Variants in CECR2 observed in about 807,000 individuals in gnomAD.
The protein encoded by CECR2 is chromatin remodeling regulator CECR2.
In CECR2, 30 loss-of-function variants were observed where a neutral mutation model predicts 154.5. The ratio of observed to expected loss-of-function variants is 0.19; its 90% CI spans 0.15 to 0.26. The LOEUF (loss-of-function observed/expected upper bound fraction) is 0.26. Among genes scored for constraint, CECR2 ranks in the 10% least tolerant of loss-of-function variants. The pLI is 1.00. For missense variants in CECR2, 1,743 were observed against 1,829.3 expected (o/e 0.95, Z 0.86); for synonymous variants, 725 against 683.7 (o/e 1.06, Z -0.94).
intron 1 of CECR2, among the ~76,000 whole-genome samples, chr22:17,408,304 C>A (rs1235844019): frequency 6.7e-6 from 1 of 148,804 alleles, no homozygotes; most frequent in East Asian, 2.0e-4. Context: ...CTGGAAAGAA[C>A]CCTGGTCAGG....
intron 1 of CECR2, among the ~76,000 whole-genome samples, chr22:17,391,587 T>C (rs1477658692): frequency 6.6e-6 from 1 of 152,218 alleles, no homozygotes; most frequent in Non-Finnish European, 1.5e-5. Flanking sequence ...CTGGCCCAAA[T>C]AGATCTCAGC....
intron 1 of CECR2, among the ~76,000 whole-genome samples, chr22:17,398,203 TGG>T (rs34625113): frequency 1.3e-5 from 2 of 148,588 alleles, no homozygotes; most frequent in African/African-American, 5.0e-5. Flanking sequence ...TATAACAAAG[TGG>T]GGGGGGGTAT....
chr22:17,483,445 G>A (rs944916789), intron 2 of CECR2, among the ~76,000 whole-genome samples: 1 of 151,954 alleles, frequency 6.6e-6, no homozygotes, highest in Non-Finnish European at 1.5e-5. Context: ...CAAGACCCCT[G>A]TCTCTACTAA....
intron 1 of CECR2, among the ~76,000 whole-genome samples, chr22:17,395,141 T>C (rs891323637): frequency 8.5e-5 from 13 of 152,172 alleles, no homozygotes; most frequent in Non-Finnish European, 7.3e-5. Context: ...CAATCACTTA[T>C]GTACTTTTTG....
chr22:17,372,248 G>A (rs2063070022), intron 1 of CECR2, among the ~76,000 whole-genome samples: 1 of 152,152 alleles, frequency 6.6e-6, no homozygotes, highest in Non-Finnish European at 1.5e-5. Flanking sequence ...TGCAGTTTTT[G>A]TCTAATCCAT....
At chr22:17,502,757 C>T (rs184161813) in intron 5 of CECR2, among the ~76,000 whole-genome samples, 10 of 152,220 alleles carry the variant, frequency 6.6e-5, no homozygotes, top group Admixed American at 1.3e-4. Context: ...GAGCTGAAAT[C>T]GCGCCATTGC....
At chr22:17,447,096 G>A (rs888852198) in intron 1 of CECR2, among the ~76,000 whole-genome samples, 2 of 145,130 alleles carry the variant, frequency 1.4e-5, no homozygotes, top group African/African-American at 5.3e-5. Flanking sequence ...GTGCAGTGAC[G>A]GGATCTCTGC....
chr22:17,387,934 G>A (rs1416439416), intron 1 of CECR2, among the ~76,000 whole-genome samples: 1 of 150,702 alleles, frequency 6.6e-6, no homozygotes, highest in East Asian at 1.9e-4. Context: ...GAGGTTTTAA[G>A]TTTTGAGTTT....
chr22:17,498,337 G>A (rs926171696), intron 3 of CECR2, among the ~76,000 whole-genome samples: 5 of 151,824 alleles, frequency 3.3e-5, no homozygotes, highest in Non-Finnish European at 4.4e-5. Context: ...CTTGCAGTGA[G>A]CCGAGATTGC....
chr22:17,490,143 TTTTTTG>T (rs1569116304), intron 2 of CECR2, among the ~76,000 whole-genome samples: 2 of 119,336 alleles, frequency 1.7e-5, no homozygotes, highest in African/African-American at 7.5e-5. Flanking sequence ...TTACTGTTTT[TTTTTTG>T]TGTGTGTGTG....
At chr22:17,396,650 G>A (rs550120403) in intron 1 of CECR2, among the ~76,000 whole-genome samples, 37 of 152,350 alleles carry the variant, frequency 2.4e-4, no homozygotes, top group African/African-American at 8.9e-4. Flanking sequence ...AATTGCTGTG[G>A]TAATGGCAGT....
chr22:17,526,701 C>G (rs1049349682), intron 9 of CECR2, among the ~76,000 whole-genome samples: 1 of 148,896 alleles, frequency 6.7e-6, no homozygotes, highest in Admixed American at 6.9e-5. Flanking sequence ...CCCAGCTACT[C>G]AGGAGGCTGA....
At chr22:17,364,435 T>C (rs1251820950) in intron 1 of CECR2, among the ~76,000 whole-genome samples, 3 of 150,254 alleles carry the variant, frequency 2.0e-5, no homozygotes, top group African/African-American at 7.3e-5. Context: ...TACTACACTC[T>C]CCTGGTCCAA....
intron 8 of CECR2, among the ~76,000 whole-genome samples, chr22:17,515,166 C>G (rs1457431781): frequency 6.6e-6 from 1 of 151,546 alleles, no homozygotes; most frequent in Non-Finnish European, 1.5e-5. Flanking sequence ...AAAATGGTAA[C>G]CCATGCTGAT....
In CECR2 at chr22:17,550,246, C is replaced by G. The variant is rs377454169; in HGVS notation, c.4277+682C>G. 6.8e-4 allele frequency: 112 copies of G among 163,918 alleles called. No individual in the cohort carries two copies. The South Asian group carries it at 0.018, about 26-fold the overall frequency. 10.2% of individuals were successfully genotyped at this position (163,918 alleles called of 1,614,324 possible). A position where few individuals can be genotyped will look rare whatever the true frequency, so the allele number is the denominator to read the frequency against. ...CACTGCAATCTCTGCCTCCCAGGTT[C>G]AAGCGATTCTCCTGCCTCATCCTCC... On this transcript the variant is annotated intron_variant, in intron 17 of 18. Coordinates refer to ENST00000262608, the MANE Select transcript of CECR2 (RefSeq NM_001290047.2).
intron 1 of CECR2, among the ~76,000 whole-genome samples, chr22:17,397,852 G>C (rs1361471517): frequency 6.6e-6 from 1 of 152,182 alleles, no homozygotes. Flanking sequence ...TAGTAATGCA[G>C]CTGTGGTGTG....
In CECR2 at chr22:17,420,904, C is replaced by T. The variant is rs559696664; in HGVS notation, c.126+50995C>T. 5.3e-5 allele frequency among the ~76,000 whole-genome samples: 8 copies of T among 152,218 alleles called. No individual in the cohort carries two copies. The East Asian group carries it at 1.5e-3, about 29-fold the overall frequency. On this transcript the variant is annotated intron_variant, in intron 1 of 18. Transcript: ENST00000262608. The stretch of plus-strand genomic sequence containing the variant: ...CAGAGATTACATAACTTATATCACC[C>T]CTGTCCCTCACCCACATTGAGAGGT...
intron 9 of CECR2, among the ~76,000 whole-genome samples, chr22:17,529,826 GA>G (rs1166207432): frequency 6.6e-6 from 1 of 151,584 alleles, no homozygotes; most frequent in Non-Finnish European, 1.5e-5. Context: ...AGTTCTTATG[GA>G]AGGAATTTTT....
chr22:17,512,622 G>A (rs2055977506), intron 8 of CECR2, among the ~76,000 whole-genome samples: 1 of 149,998 alleles, frequency 6.7e-6, no homozygotes, highest in African/African-American at 2.5e-5. Context: ...AGAATTGCTT[G>A]AACCCAGAAG....
Sources: allele counts gnomAD v4.1 joint callset (sites outside exome capture counted in the v4.1 genomes callset), GRCh38; gene constraint gnomAD v4.1.1; transcripts MANE v1.5; gene names NCBI Gene and HGNC (gene_info 2026-07-23, HGNC 2026-07-21).